The following MALRD1 variants were observed in gnomAD, a reference collection of about 807,000 sequenced individuals.
MALRD1 encodes MAM and LDL receptor class A domain containing 1.
MALRD1 carries 247 observed loss-of-function variants against 242.1 expected under a neutral mutation model. That is an observed-to-expected ratio of 1.02 (90% CI 0.92 to 1.13). MALRD1 has a LOEUF of 1.13. Ranked by LOEUF, MALRD1 falls within the 50% of genes most tolerant of loss-of-function variation. The pLI, the probability that MALRD1 is intolerant of heterozygous loss-of-function variation, is 0.00. For synonymous variants in MALRD1, 995 were observed against 866.6 expected (o/e 1.15, Z -2.60); for missense variants, 2,989 against 2,533.1 (o/e 1.18, Z -3.86).
At chr10:19,200,033 T>A (rs1836451434) in intron 14 of MALRD1, among the ~76,000 whole-genome samples, 1 of 151,896 alleles carries the variant, frequency 6.6e-6, no homozygotes, top group Non-Finnish European at 1.5e-5. Context: ...GGAGGCTGAG[T>A]CGGAGAACGG....
chr10:19,659,135 A>G (rs556887568), intron 36 of MALRD1, among the ~76,000 whole-genome samples: 7 of 152,320 alleles, frequency 4.6e-5, no homozygotes, highest in Admixed American at 3.3e-4. Flanking sequence ...GCTAGTTATC[A>G]GAACAACTTT....
intron 14 of MALRD1, among the ~76,000 whole-genome samples, chr10:19,187,959 C>T (rs140589414): frequency 8.3e-4 from 127 of 152,132 alleles, no homozygotes; most frequent in African/African-American, 9.9e-4. Context: ...AAATAAAAGT[C>T]GAAATAAAAA....
chr10:19,163,138 A>AAG (rs1834511182), intron 12 of MALRD1, among the ~76,000 whole-genome samples: 1 of 24,580 alleles, frequency 4.1e-5, no homozygotes, highest in South Asian at 1.3e-3. Context: ...AACCCTGTCT[A>AAG]AAAAAAAAAA....
At chr10:19,547,795 TATATATATATATATATATATATA>T (rs1183656009) in intron 32 of MALRD1, among the ~76,000 whole-genome samples, 3 of 12,946 alleles carry the variant, frequency 2.3e-4, no homozygotes, top group East Asian at 2.4e-3. Context: ...CATATATATA[TATATATATATATATATATATATA>T]TTTTTTTTTT....
chr10:19,652,990 A>C (rs556807781), intron 36 of MALRD1, among the ~76,000 whole-genome samples: 1 of 152,136 alleles, frequency 6.6e-6, no homozygotes, highest in Admixed American at 6.5e-5. Flanking sequence ...TTTACATATC[A>C]GTATGTCTAA....
chr10:19,561,255 C>A (rs1835950391), intron 32 of MALRD1, among the ~76,000 whole-genome samples: 1 of 152,058 alleles, frequency 6.6e-6, no homozygotes, highest in Non-Finnish European at 1.5e-5. Flanking sequence ...TGTTGTCAAT[C>A]TTCATAAATA....
At chr10:19,486,684 A>T (rs1372477639) in intron 29 of MALRD1, among the ~76,000 whole-genome samples, 1 of 152,154 alleles carries the variant, frequency 6.6e-6, no homozygotes, top group Non-Finnish European at 1.5e-5. Context: ...CTCAGAGCAT[A>T]TTGAATGTCA....
chr10:19,595,178 T>G lies in MALRD1; in HGVS notation c.5681-16T>G. 1.3e-6 allele frequency: 2 copies of G among 1,540,960 alleles called. No homozygotes were observed. Among genetic ancestry groups the G allele is most frequent in the East Asian group, 2.5e-5 (1 of 40,742 alleles). On this transcript the variant is annotated splice_polypyrimidine_tract_variant and intron_variant, in intron 33 of 39. Transcript: ENST00000454679. ...CTCCCTAATGCCAAAATAACTTGACTTGCTCTCTTTTTTAGGTCCTGTCCC... is the reference window on the plus strand; with the variant it reads ...CTCCCTAATGCCAAAATAACTTGACGTGCTCTCTTTTTTAGGTCCTGTCCC...
chr10:19,376,389 A>G (rs2130767837), intron 26 of MALRD1, among the ~76,000 whole-genome samples: 1 of 152,054 alleles, frequency 6.6e-6, no homozygotes, highest in Non-Finnish European at 1.5e-5. Context: ...TAGGGGCAAA[A>G]TGCTGTTAAC....
At chr10:19,468,997 C>T (rs927887602) in intron 29 of MALRD1, among the ~76,000 whole-genome samples, 1 of 151,882 alleles carries the variant, frequency 6.6e-6, no homozygotes, top group Admixed American at 6.6e-5. Flanking sequence ...TTGTGGTTCT[C>T]AAACTTGGCT....
chr10:19,111,488 C>A (rs1836679101), intron 5 of MALRD1, among the ~76,000 whole-genome samples: 1 of 152,094 alleles, frequency 6.6e-6, no homozygotes, highest in African/African-American at 2.4e-5. Flanking sequence ...GAGAGGAGGA[C>A]TTTGAAATCT....
intron 1 of MALRD1, among the ~76,000 whole-genome samples, chr10:19,062,868 A>G (rs1397913629): frequency 6.6e-6 from 1 of 152,184 alleles, no homozygotes; most frequent in Non-Finnish European, 1.5e-5. Context: ...ACACTTAAGA[A>G]TGGTTAAAAT....
rs1589311742 is a variant in MALRD1 at position 19,615,964 on chromosome 10, G to T, written c.6137+41G>T. ...TAATTTTTTTTTTTAAGATTTTTTG[G>T]AGTTGGCTTACTTATTTTTCTATAG... On this transcript the variant is annotated intron_variant, in intron 36 of 39. Coordinates refer to ENST00000454679, the MANE Select transcript of MALRD1 (RefSeq NM_001142308.3). 69 of 1,440,502 alleles carry T rather than the reference G, an allele frequency of 4.8e-5. 1 individual carries two copies. The East Asian group carries it at 1.7e-3, about 36-fold the overall frequency. 89.2% of individuals were successfully genotyped at this position (1,440,502 alleles called of 1,614,324 possible).
chr10:19,057,238 C>T (rs920556295), intron 1 of MALRD1, among the ~76,000 whole-genome samples: 4 of 152,140 alleles, frequency 2.6e-5, no homozygotes, highest in African/African-American at 4.8e-5. Context: ...GAATTCAGTA[C>T]ATTTACCTTC....
intron 24 of MALRD1, among the ~76,000 whole-genome samples, chr10:19,335,143 AG>A (rs1372754986): frequency 6.6e-6 from 1 of 151,042 alleles, no homozygotes; most frequent in African/African-American, 2.4e-5. Flanking sequence ...TTGTATCAGA[AG>A]GTGCTTTTTG....
intron 26 of MALRD1, among the ~76,000 whole-genome samples, chr10:19,386,721 T>TACATATAC (rs1554761211): frequency 2.0e-5 from 3 of 148,902 alleles, no homozygotes; most frequent in Admixed American, 6.8e-5. Flanking sequence ...CATATACATA[T>TACATATAC]ACACACACAC....
rs773312186 is a variant in MALRD1 at position 19,066,683 on chromosome 10, C to A, written c.200-36C>A. The A allele has an allele frequency of 8.0e-4, 989 of 1,230,180 alleles. 3 individuals are homozygous for A. Among genetic ancestry groups the A allele is most frequent in the Non-Finnish European group, 9.6e-4 (946 of 985,018 alleles). 76.2% of individuals were successfully genotyped at this position (1,230,180 alleles called of 1,614,324 possible). On this transcript the variant is annotated intron_variant, in intron 1 of 39. Coordinates refer to ENST00000454679, the MANE Select transcript of MALRD1 (RefSeq NM_001142308.3). ...GTCTTATTTTTTAAAAAGCTAAACA[C>A]AGTTGTGAAAACCAACTTTTCTTCT...
chr10:19,433,892 G>C (rs59986036), intron 28 of MALRD1, among the ~76,000 whole-genome samples: 8,822 of 151,396 alleles, frequency 0.058, 819 homozygotes, highest in African/African-American at 0.2. Context: ...ACACACACGC[G>C]CACACACACA....
chr10:19,252,302 G>A (rs1315371968), intron 18 of MALRD1, among the ~76,000 whole-genome samples: 2 of 152,016 alleles, frequency 1.3e-5, no homozygotes, highest in Non-Finnish European at 2.9e-5. Flanking sequence ...GTTATGGACT[G>A]GGTCCAGCCC....
Sources: gnomAD v4.1 joint callset for allele counts (sites outside exome capture counted in the v4.1 genomes callset) on GRCh38, gnomAD v4.1.1 for gene constraint, MANE v1.5 for transcripts, NCBI Gene and HGNC (gene_info 2026-07-23, HGNC 2026-07-21) for gene names.